The following ZNF385D variants were observed in gnomAD, a reference collection of about 807,000 sequenced individuals.
ZNF385D encodes zinc finger protein 385D.
In ZNF385D, 15 loss-of-function variants were observed where a neutral mutation model predicts 35.8. The observed-to-expected ratio is 0.42, with a 90% CI of 0.28 to 0.64. ZNF385D has a LOEUF of 0.64. Ranked by LOEUF, ZNF385D falls within the 30% of genes least tolerant of loss-of-function variation. The probability of loss-of-function intolerance (pLI) is 0.23; values close to 1 mark genes in which losing one functional copy is unlikely to be tolerated. For missense variants in ZNF385D, 474 were observed against 494.6 expected, an observed-to-expected ratio of 0.96 and a Z score of 0.39; for synonymous variants, 212 against 186.8, an observed-to-expected ratio of 1.13 and a Z score of -1.10.
chr3:21,759,001 A>AAAAAAAAAAAAAAAAAC (rs1559593528), intron 3 of ZNF385D, among the ~76,000 whole-genome samples: 4 of 133,144 alleles, frequency 3.0e-5, no homozygotes, highest in Admixed American at 7.3e-5. Context: ...AAAAAAAAAA[A>AAAAAAAAAAAAAAAAAC]AAAAACAGTG....
chr3:22,363,592 G>A lies in ZNF385D; in HGVS notation c.106+8858C>T, dbSNP rs181169275. Among the ~76,000 whole-genome samples, 55 of 152,152 alleles carry A rather than the reference G, an allele frequency of 3.6e-4. No homozygotes were observed. The East Asian group carries it at 7.4e-3, about 20-fold the overall frequency. ...ACATTTTTTTCAGATTCAGTACCAA[G>A]AATGGTTTTTTATCTGGAAAAATAG... On this transcript the variant is annotated intron_variant, in intron 2 of 5. Coordinates refer to the ZNF385D transcript ENST00000494108.
intron 2 of ZNF385D, among the ~76,000 whole-genome samples, chr3:22,245,723 T>C (rs985076233): frequency 2.1e-5 from 3 of 144,258 alleles, no homozygotes; most frequent in African/African-American, 7.5e-5. Context: ...AGCAAATTGC[T>C]CTTTTTCTCT....
intron 3 of ZNF385D, among the ~76,000 whole-genome samples, chr3:21,544,468 T>C (rs1420730907): frequency 3.9e-5 from 6 of 152,112 alleles, no homozygotes; most frequent in Admixed American, 3.3e-4. Flanking sequence ...TATAAGAAGG[T>C]GTGGAAATGT....
At chr3:21,689,121 T>G (rs2067200054) in intron 1 of ZNF385D, among the ~76,000 whole-genome samples, 1 of 127,218 alleles carries the variant, frequency 7.9e-6, no homozygotes, top group Non-Finnish European at 1.6e-5. Flanking sequence ...CTGCCCCACC[T>G]TATTGAAGCA....
intron 1 of ZNF385D, among the ~76,000 whole-genome samples, chr3:21,722,709 A>G (rs1331496725): frequency 6.6e-6 from 1 of 152,216 alleles, no homozygotes; most frequent in Admixed American, 6.5e-5. Flanking sequence ...GCCAACTTCC[A>G]CACAAAGGAG....
At chr3:21,693,522 G>A (rs1315601083) in intron 1 of ZNF385D, among the ~76,000 whole-genome samples, 1 of 152,152 alleles carries the variant, frequency 6.6e-6, no homozygotes, top group African/African-American at 2.4e-5. Context: ...GCTTGGCAAA[G>A]CTTTGCCATT....
At chr3:21,614,781 G>T (rs1207494986) in intron 2 of ZNF385D, among the ~76,000 whole-genome samples, 2 of 152,206 alleles carry the variant, frequency 1.3e-5, no homozygotes, top group Non-Finnish European at 2.9e-5. Context: ...TAGAGTCGGG[G>T]TTTTACCATG....
At position 22,295,422 on chromosome 3, in the gene ZNF385D, C is replaced by T. The variant is rs535127733; in HGVS notation, c.106+77028G>A. 3.3e-5 allele frequency among the ~76,000 whole-genome samples: 5 copies of T among 152,046 alleles called. No homozygotes were observed. In the East Asian group the frequency reaches 7.7e-4, roughly 24 times the overall value. ...TCCAAAGGCTGTGATCTGACTCCAG[C>T]CTCCTATAAGAGAATTATAACAAAT... is the stretch of plus-strand genomic sequence containing the variant. On this transcript the variant is annotated intron_variant, in intron 2 of 5. Coordinates refer to the ZNF385D transcript ENST00000494108.
chr3:22,255,347 T>G (rs73821339), intron 2 of ZNF385D, among the ~76,000 whole-genome samples: 112 of 151,838 alleles, frequency 7.4e-4, no homozygotes, highest in African/African-American at 2.7e-3. Context: ...GTGGAAATAA[T>G]GAACAGACAA....
At chr3:22,335,424 T>C (rs1234565942) in intron 2 of ZNF385D, among the ~76,000 whole-genome samples, 1 of 152,144 alleles carries the variant, frequency 6.6e-6, no homozygotes, top group East Asian at 1.9e-4. Flanking sequence ...ATTTTTTCCT[T>C]CCAGATAGTT....
intron 3 of ZNF385D, among the ~76,000 whole-genome samples, chr3:21,890,864 A>G (rs1052192982): frequency 6.6e-6 from 1 of 152,180 alleles, no homozygotes; most frequent in African/African-American, 2.4e-5. Flanking sequence ...ATGAACTTTC[A>G]GTGGTTTCAA....
chr3:21,767,979 T>C (rs1203158950), intron 3 of ZNF385D, among the ~76,000 whole-genome samples: 1 of 152,098 alleles, frequency 6.6e-6, no homozygotes, highest in Non-Finnish European at 1.5e-5. Context: ...TACATTGTCC[T>C]AATTTGTTGT....
At chr3:21,821,389 T>C (rs1475729795) in intron 3 of ZNF385D, among the ~76,000 whole-genome samples, 1 of 152,202 alleles carries the variant, frequency 6.6e-6, no homozygotes, top group Non-Finnish European at 1.5e-5. Flanking sequence ...TAAAGGCTTT[T>C]ATGATAAATA....
intron 2 of ZNF385D, among the ~76,000 whole-genome samples, chr3:22,286,045 G>A (rs1702005873): frequency 1.3e-5 from 2 of 152,006 alleles, no homozygotes; most frequent in Non-Finnish European, 2.9e-5. Flanking sequence ...AGACACACAG[G>A]AAAGGTTTAT....
At chr3:21,656,535 A>G (rs1205155444) in intron 2 of ZNF385D, among the ~76,000 whole-genome samples, 1 of 151,778 alleles carries the variant, frequency 6.6e-6, no homozygotes, top group Non-Finnish European at 1.5e-5. Flanking sequence ...ATTAGGGCCC[A>G]CTCTAATGAT....
Position 22,278,583 on chromosome 3 carries a change from T to C in ZNF385D, c.106+93867A>G, listed in dbSNP as rs138669000. On this transcript the variant is annotated intron_variant, in intron 2 of 5. Coordinates refer to the ZNF385D transcript ENST00000494108. ...TGATCTCATATTCAATTTAGTTCTA[T>C]AATTCTCCTCTTCACATTCCTGCAT... Among the ~76,000 whole-genome samples the C allele has an allele frequency of 1.5e-3, 225 of 152,260 alleles. 2 individuals are homozygous for C. The East Asian group carries it at 0.041, about 27-fold the overall frequency.
intron 1 of ZNF385D, among the ~76,000 whole-genome samples, chr3:21,698,003 G>A (rs1457064534): frequency 6.6e-6 from 1 of 152,132 alleles, no homozygotes; most frequent in Non-Finnish European, 1.5e-5. Flanking sequence ...TGGTGGGAAT[G>A]TAAATTAGTG....
At chr3:21,557,600 A>G (rs1349925444) in intron 3 of ZNF385D, among the ~76,000 whole-genome samples, 3 of 152,148 alleles carry the variant, frequency 2.0e-5, no homozygotes, top group Non-Finnish European at 2.9e-5. Context: ...ATTGATGTTC[A>G]GGGATATTGG....
Position 22,123,958 on chromosome 3 carries a change from C to CTT in ZNF385D, c.325+44858_325+44859insAA, listed in dbSNP as rs1369577983. Among the ~76,000 whole-genome samples, 76 of 79,786 alleles carry CTT rather than the reference C, an allele frequency of 9.5e-4. 1 individual carries two copies. Among genetic ancestry groups the CTT allele is most frequent in the Non-Finnish European group, 6.1e-4 (22 of 35,982 alleles). 52.3% of individuals were successfully genotyped at this position (79,786 alleles called of 152,430 possible). ...TCTCTCTCTCTCTCTCTCTCTCTCT[C>CTT]TCTCTATATATATATATATATATAT... On this transcript the variant is annotated intron_variant, in intron 3 of 5. Transcript: ENST00000494108.
Sources: allele counts gnomAD v4.1 joint callset (sites outside exome capture counted in the v4.1 genomes callset), GRCh38; gene constraint gnomAD v4.1.1; transcripts MANE v1.5; gene names NCBI Gene and HGNC (gene_info 2026-07-23, HGNC 2026-07-21).